The following ADA variants were observed in gnomAD, a reference collection of about 807,000 sequenced individuals.
ADA encodes the protein adenosine deaminase.
Under a neutral mutation model 49.0 loss-of-function variants are expected in ADA, and 45 were observed. The ratio of observed to expected loss-of-function variants is 0.92; its 90% CI spans 0.72 to 1.18. ADA has a LOEUF of 1.18. Ranked by LOEUF, ADA falls within the 50% of genes most tolerant of loss-of-function variation. The probability of loss-of-function intolerance (pLI) is 0.00; values close to 1 mark genes in which losing one functional copy is unlikely to be tolerated. For missense variants in ADA, 445 were observed against 472.5 expected, an observed-to-expected ratio of 0.94 and a Z score of 0.54; for synonymous variants, 173 against 184.2, an observed-to-expected ratio of 0.94 and a Z score of 0.49.
intron 11 of ADA, 71 bp from the exon 12 acceptor site, chr20:44,619,918 A>G (rs1015515130): frequency 3.1e-6 from 5 of 1,594,326 alleles, no homozygotes; most frequent in Admixed American, 1.7e-5. Context: ...AAAATCATAG[A>G]ACACCAGAAC....
chr20:44,636,167 G>C, intron 2 of ADA, 60 bp downstream of exon 2: 1 of 1,448,422 alleles, frequency 6.9e-7, no homozygotes, highest in South Asian at 1.2e-5. Context: ...GGGGCCTCTG[G>C]GTGGAGCTGG....
At chr20:44,650,932 G>A (rs1031065557) in intron 1 of ADA, among the ~76,000 whole-genome samples, 1 of 152,214 alleles carries the variant, frequency 6.6e-6, no homozygotes, top group African/African-American at 2.4e-5. Context: ...GGTGGGCGGA[G>A]AAACAAGGGG....
intron 10 of ADA, 134 bp downstream of exon 10, chr20:44,620,884 T>A (rs778052020): frequency 1.6e-6 from 2 of 1,216,976 alleles, no homozygotes; most frequent in South Asian, 2.4e-5. Flanking sequence ...GTGGAAAGTG[T>A]CTAGGTTGGG....
intron 4 of ADA, chr20:44,626,199 T>G: frequency 1.7e-6 from 1 of 577,588 alleles, no homozygotes; most frequent in Non-Finnish European, 3.1e-6. Context: ...TTAACATTCC[T>G]GGACAGCAGG....
chr20:44,624,049 G>A (rs2065358789), intron 6 of ADA, 153 bp downstream of exon 6: 3 of 1,127,256 alleles, frequency 2.7e-6, no homozygotes, highest in Non-Finnish European at 3.8e-6. Flanking sequence ...CCTGGCCCAG[G>A]GGGATTCCAG....
intron 1 of ADA, among the ~76,000 whole-genome samples, chr20:44,639,506 G>A (rs891072566): frequency 5.9e-5 from 9 of 152,028 alleles, no homozygotes; most frequent in African/African-American, 1.9e-4. Context: ...TCCACCTCCC[G>A]GGTTCAAGCG....
At chr20:44,623,145 A>T in intron 6 of ADA, 67 bp from the exon 7 acceptor site, 2 of 1,607,368 alleles carry the variant, frequency 1.2e-6, no homozygotes, top group Non-Finnish European at 8.5e-7. Flanking sequence ...TGCCTTGACC[A>T]TGCTGTGGAG....
At position 44,620,697 on chromosome 20, in the gene ADA, T is replaced by A. The variant is rs143539633; in HGVS notation, c.976-296A>T. 32 of 561,622 alleles carry A rather than the reference T, an allele frequency of 5.7e-5. No homozygotes were observed. In the East Asian group the frequency reaches 9.5e-4, roughly 17 times the overall value. 34.8% of individuals were successfully genotyped at this position (561,622 alleles called of 1,614,324 possible). A position where few individuals can be genotyped will look rare whatever the true frequency, so the allele number is the denominator to read the frequency against. On this transcript the variant is annotated intron_variant, in intron 10 of 11. Coordinates refer to ENST00000372874, the MANE Select transcript of ADA (RefSeq NM_000022.4). The stretch of plus-strand genomic sequence containing the variant: ...CAGACACGTGCAGGAATGGACTTAT[T>A]CAGCCTGGGATTTAAGAACAACCTG...
chr20:44,624,271 G>A lies in ADA; in HGVS notation c.537C>T (p.Ala179=), dbSNP rs1350687211. 8.7e-6 allele frequency: 14 copies of A among 1,614,034 alleles called. No homozygotes were observed. In the East Asian group the frequency reaches 1.8e-4, roughly 21 times the overall value. Residue 179 remains alanine, a synonymous_variant, in exon 6 of 12, where the codon GCC becomes GCT. Transcript: ENST00000372874. ...CKKYQQQTVV[A]IDLAGDETIP... is the part of the protein sequence containing the mutation. ...TGGTCTCATCTCCAGCCAGGTCAATGGCTACCACGGTCTGCTGCTGGTACT... is the reference window on the plus strand; with the variant it reads ...TGGTCTCATCTCCAGCCAGGTCAATAGCTACCACGGTCTGCTGCTGGTACT...
intron 1 of ADA, among the ~76,000 whole-genome samples, chr20:44,648,170 G>A (rs1222202614): frequency 6.6e-6 from 1 of 152,092 alleles, no homozygotes; most frequent in African/African-American, 2.4e-5. Context: ...TGAGTGCCTG[G>A]TGCCACCTGT....
chr20:44,646,329 G>A (rs1433307302), intron 1 of ADA, among the ~76,000 whole-genome samples: 3 of 152,226 alleles, frequency 2.0e-5, no homozygotes, highest in Non-Finnish European at 2.9e-5. Flanking sequence ...CAACTGCCAT[G>A]TGAGTCAAAA....
intron 9 of ADA, among the ~76,000 whole-genome samples, chr20:44,621,478 C>T (rs2065331423): frequency 6.6e-6 from 1 of 152,162 alleles, no homozygotes; most frequent in Non-Finnish European, 1.5e-5. Context: ...CTGCCACCCT[C>T]TCCAGCCTTC....
At chr20:44,629,430 G>T (rs900223800) in intron 2 of ADA, among the ~76,000 whole-genome samples, 3 of 152,134 alleles carry the variant, frequency 2.0e-5, no homozygotes, top group African/African-American at 4.8e-5. Context: ...GTGTGTGTGT[G>T]TGTGTGTGTA....
chr20:44,623,484 C>T (rs920798628), intron 6 of ADA, among the ~76,000 whole-genome samples: 1 of 152,210 alleles, frequency 6.6e-6, no homozygotes, highest in Non-Finnish European at 1.5e-5. Flanking sequence ...CATTCATCAT[C>T]ACGCTGGAAG....
chr20:44,643,883 G>A (rs919501264), intron 1 of ADA, among the ~76,000 whole-genome samples: 3 of 152,032 alleles, frequency 2.0e-5, no homozygotes, highest in East Asian at 2.0e-4. Context: ...GGAGGCCCTC[G>A]GGAAATGCAC....
At chr20:44,630,436 A>C (rs2065423487) in intron 2 of ADA, among the ~76,000 whole-genome samples, 1 of 152,186 alleles carries the variant, frequency 6.6e-6, no homozygotes, top group Non-Finnish European at 1.5e-5. Context: ...CAGCACAGAG[A>C]ACAGATGAAA....
chr20:44,641,055 C>A (rs1324777195), intron 1 of ADA, among the ~76,000 whole-genome samples: 1 of 152,108 alleles, frequency 6.6e-6, no homozygotes, highest in African/African-American at 2.4e-5. Flanking sequence ...GTCACGGCAG[C>A]CACAGAAAAC....
intron 1 of ADA, among the ~76,000 whole-genome samples, chr20:44,638,205 T>C (rs571174488): frequency 6.4e-4 from 98 of 152,352 alleles, no homozygotes; most frequent in African/African-American, 2.2e-3. Flanking sequence ...TCCTTCCTTC[T>C]AGGCTTCATG....
At position 44,651,557 on chromosome 20, in the gene ADA, G is replaced by GC. The variant is rs1246752878; in HGVS notation, c.33+17dup. The GC allele has an allele frequency of 6.5e-7, 1 of 1,533,086 alleles. No homozygotes were observed. Among genetic ancestry groups the GC allele is most frequent in the Non-Finnish European group, 8.7e-7 (1 of 1,145,940 alleles). The allele number at this position is 1,533,086 out of a possible 1,614,324, so 95.0% of individuals were successfully genotyped here. On this transcript the variant is annotated intron_variant, in intron 1 of 11. Coordinates refer to ENST00000372874, the MANE Select transcript of ADA (RefSeq NM_000022.4). ...CAGGCGCCGGACCCCCGTCCCCGGA[G>GC]CCCCCGCGCGCGCTCACTTTGGGCT...
Sources: allele counts gnomAD v4.1 joint callset (sites outside exome capture counted in the v4.1 genomes callset), GRCh38; gene constraint gnomAD v4.1.1; transcripts MANE v1.5; gene names NCBI Gene and HGNC (gene_info 2026-07-23, HGNC 2026-07-21).